Variants in NFKB1 observed in about 807,000 individuals in gnomAD.
NFKB1 encodes the protein nuclear factor NF-kappa-B p105 subunit.
In NFKB1, 9 loss-of-function variants were observed where a neutral mutation model predicts 105.1. That is an observed-to-expected ratio of 0.09 (90% CI 0.05 to 0.15). The LOEUF (loss-of-function observed/expected upper bound fraction) is 0.15. NFKB1 is among the 10% of genes least tolerant of loss of function. NFKB1 has a pLI of 1.00. For missense variants in NFKB1, 830 were observed against 1,203.7 expected, an observed-to-expected ratio of 0.69 and a Z score of 4.59; for synonymous variants, 440 against 442.2, an observed-to-expected ratio of 1.00 and a Z score of 0.06.
chr4:102,531,701 TAGTTG>T (rs1741303608), intron 3 of NFKB1, among the ~76,000 whole-genome samples: 1 of 146,882 alleles, frequency 6.8e-6, no homozygotes, highest in Non-Finnish European at 1.5e-5. Flanking sequence ...TCTAATTTTC[TAGTTG>T]ATTTAACTTT....
intron 12 of NFKB1, 37 bp downstream of exon 12, chr4:102,593,605 A>G (rs758316031): frequency 1.9e-6 from 3 of 1,587,724 alleles, no homozygotes; most frequent in Admixed American, 1.8e-5. Flanking sequence ...ACTTTTTCAT[A>G]TTGGAGAGGG....
At chr4:102,578,077 G>A (rs749092317) in intron 7 of NFKB1, 31 of 703,958 alleles carry the variant, frequency 4.4e-5, no homozygotes, top group Non-Finnish European at 5.2e-5. Flanking sequence ...CTTGGTAGGA[G>A]CACCATGATT....
chr4:102,576,777 T>A, intron 6 of NFKB1, 99 bp from the exon 7 acceptor site: 2 of 1,223,120 alleles, frequency 1.6e-6, no homozygotes, highest in South Asian at 3.0e-5. Context: ...TGAGGGCCTG[T>A]GTATTTTTTT....
At chr4:102,536,212 G>A (rs527281967) in intron 4 of NFKB1, among the ~76,000 whole-genome samples, 2 of 152,172 alleles carry the variant, frequency 1.3e-5, no homozygotes, top group African/African-American at 4.8e-5. Context: ...CTTACAAAAG[G>A]CATAGGGCTG....
intron 9 of NFKB1, among the ~76,000 whole-genome samples, chr4:102,582,024 G>A (rs1352883796): frequency 1.3e-5 from 2 of 152,164 alleles, no homozygotes; most frequent in East Asian, 3.9e-4. Context: ...GTGAAGCCAG[G>A]AAGATGCCAA....
chr4:102,519,906 A>T (rs1312962658), intron 1 of NFKB1, among the ~76,000 whole-genome samples: 2 of 152,212 alleles, frequency 1.3e-5, no homozygotes, highest in Admixed American at 1.3e-4. Context: ...TTTACCCATG[A>T]GGTAGTCAGT....
chr4:102,602,297 G>A (rs1476241120), intron 16 of NFKB1, among the ~76,000 whole-genome samples: 1 of 151,802 alleles, frequency 6.6e-6, no homozygotes, highest in East Asian at 1.9e-4. Flanking sequence ...TTGGGAGGCC[G>A]AGGCAGGCGG....
In NFKB1 at chr4:102,576,950, C is replaced by T. The variant is rs1354534120; in HGVS notation, c.482C>T (p.Ala161Val). 4.3e-6 allele frequency: 7 copies of T among 1,613,644 alleles called. No individual in the cohort carries two copies. Among genetic ancestry groups the T allele is most frequent in the South Asian group, 3.3e-5 (3 of 91,072 alleles). Residue 161 changes from alanine to valine, a missense_variant, in exon 7 of 24, where the codon GCG becomes GTG. Coordinates refer to ENST00000226574, the MANE Select transcript of NFKB1 (RefSeq NM_003998.4). ...FETLEARMTE[A>V]CIRGYNPGLL... The stretch of plus-strand genomic sequence containing the variant: ...ACACTGGAAGCACGAATGACAGAGG[C>T]GTGTATAAGGGGCTATAATCCTGGA...
chr4:102,548,452 GA>G (rs1268026040), intron 5 of NFKB1, among the ~76,000 whole-genome samples: 1 of 152,150 alleles, frequency 6.6e-6, no homozygotes, highest in Non-Finnish European at 1.5e-5. Context: ...TGTAGTACTG[GA>G]AACTGCGTCG....
At chr4:102,608,111 A>G (rs1479535642) in intron 19 of NFKB1, among the ~76,000 whole-genome samples, 2 of 152,218 alleles carry the variant, frequency 1.3e-5, no homozygotes, top group Non-Finnish European at 2.9e-5. Flanking sequence ...CAGAAGAAAA[A>G]GATTATTGGT....
At chr4:102,576,598 A>G (rs1003342508) in intron 6 of NFKB1, among the ~76,000 whole-genome samples, 4 of 152,192 alleles carry the variant, frequency 2.6e-5, no homozygotes, top group African/African-American at 9.6e-5. Flanking sequence ...TGGTGAGTCC[A>G]ATTATATATT....
chr4:102,526,803 T>C (rs1356509559), intron 2 of NFKB1, among the ~76,000 whole-genome samples: 1 of 152,186 alleles, frequency 6.6e-6, no homozygotes, highest in African/African-American at 2.4e-5. Context: ...TTTTTTCTTT[T>C]TCTCCTATAT....
chr4:102,580,155 A>G (rs1725209353), intron 8 of NFKB1, among the ~76,000 whole-genome samples: 1 of 152,190 alleles, frequency 6.6e-6, no homozygotes, highest in Admixed American at 6.5e-5. Context: ...ACTCTTGTAA[A>G]TAGAATAATA....
At chr4:102,525,878 T>G (rs1009341881) in intron 2 of NFKB1, among the ~76,000 whole-genome samples, 8 of 152,154 alleles carry the variant, frequency 5.3e-5, no homozygotes, top group African/African-American at 1.9e-4. Context: ...ATTTCACAGT[T>G]CTGGGGGCTA....
chr4:102,532,906 G>A (rs1741391901), intron 3 of NFKB1, among the ~76,000 whole-genome samples: 1 of 152,094 alleles, frequency 6.6e-6, no homozygotes, highest in Non-Finnish European at 1.5e-5. Context: ...AAAATCAGCT[G>A]GGAAGCTTAA....
chr4:102,508,444 TAGTC>T (rs1375292401), intron 1 of NFKB1, among the ~76,000 whole-genome samples: 1 of 152,140 alleles, frequency 6.6e-6, no homozygotes, highest in African/African-American at 2.4e-5. Context: ...CTCAGTTGGA[TAGTC>T]AGGAAAGTAC....
At chr4:102,575,744 T>C (rs981285218) in intron 6 of NFKB1, among the ~76,000 whole-genome samples, 9 of 152,232 alleles carry the variant, frequency 5.9e-5, no homozygotes, top group African/African-American at 1.2e-4. Flanking sequence ...TAAAATGTTA[T>C]GCTTTTTTCT....
chr4:102,508,468 C>T (rs1225402225), intron 1 of NFKB1, among the ~76,000 whole-genome samples: 3 of 151,988 alleles, frequency 2.0e-5, no homozygotes, highest in Non-Finnish European at 4.4e-5. Flanking sequence ...CTTAAATCAG[C>T]AATTGATTTA....
At chr4:102,534,064 C>G (rs568841327) in intron 4 of NFKB1, among the ~76,000 whole-genome samples, 179 bp downstream of exon 4, 2 of 152,274 alleles carry the variant, frequency 1.3e-5, no homozygotes, top group African/African-American at 4.8e-5. Flanking sequence ...ACTCATTGTT[C>G]ACACTGTCCT....
Sources: gnomAD v4.1 joint callset for allele counts (sites outside exome capture counted in the v4.1 genomes callset) on GRCh38, gnomAD v4.1.1 for gene constraint, MANE v1.5 for transcripts, NCBI Gene and HGNC (gene_info 2026-07-23, HGNC 2026-07-21) for gene names.